The following ASH1L variants were observed in gnomAD, a reference collection of about 807,000 sequenced individuals.
ASH1L encodes the protein histone-lysine N-methyltransferase ASH1L.
Under a neutral mutation model 269.0 loss-of-function variants are expected in ASH1L, and 23 were observed. That is an observed-to-expected ratio of 0.09 (90% CI 0.06 to 0.12). The LOEUF is 0.12. ASH1L is among the 10% of genes least tolerant of loss of function. The pLI is 1.00. For missense variants in ASH1L, 2,912 were observed against 3,567.8 expected (o/e 0.82, Z 4.68); for synonymous variants, 1,187 against 1,253.5 (o/e 0.95, Z 1.12).
At chr1:155,487,286 A>G (rs1005563565) in intron 2 of ASH1L, among the ~76,000 whole-genome samples, 4 of 152,186 alleles carry the variant, frequency 2.6e-5, no homozygotes, top group African/African-American at 9.7e-5. Flanking sequence ...ATTTATTATG[A>G]TATTAAAAAT....
Position 155,478,215 on chromosome 1 carries a change from C to T in ASH1L, c.4655G>A (p.Arg1552Lys), listed in dbSNP as rs1227842390. Residue 1552 changes from arginine to lysine, a missense_variant, in exon 3 of 28, where the codon AGA becomes AAA. By Grantham distance (26) the Arg-to-Lys change is conservative. Coordinates refer to ENST00000392403, the MANE Select transcript of ASH1L (RefSeq NM_018489.3). This position sits in a 1 kb window ranked among gnomAD's most constrained non-coding sequence, Gnocchi z 4.6. ...CTCTCGGTGGACCCACTGTTCCTCT[C>T]TGTTTATTAAGCTTTTTGAAGGAGA... ...HLSPSKSLIN[R>K]EEQWVHREPS... The T allele has an allele frequency of 6.2e-7, 1 of 1,611,592 alleles. No homozygotes were observed. Among genetic ancestry groups the T allele is most frequent in the Admixed American group, 1.7e-5 (1 of 59,768 alleles).
At chr1:155,409,521 A>G (rs994937122) in intron 6 of ASH1L, among the ~76,000 whole-genome samples, 2 of 152,246 alleles carry the variant, frequency 1.3e-5, no homozygotes, top group African/African-American at 4.8e-5. Context: ...TTCACTAAGT[A>G]ATCAAAAATG....
At chr1:155,387,588 T>G (rs1657542847) in intron 7 of ASH1L, among the ~76,000 whole-genome samples, 1 of 152,206 alleles carries the variant, frequency 6.6e-6, no homozygotes, top group East Asian at 1.9e-4. Flanking sequence ...CTTTGTTCTT[T>G]TTTTGTGTGT....
chr1:155,505,355 G>A (rs1291570512), intron 2 of ASH1L, among the ~76,000 whole-genome samples: 1 of 152,004 alleles, frequency 6.6e-6, no homozygotes, highest in Non-Finnish European at 1.5e-5. Context: ...ATGATTCTGC[G>A]ATTCACATAT....
chr1:155,458,936 A>C (rs1342313884), intron 4 of ASH1L, among the ~76,000 whole-genome samples: 1 of 150,642 alleles, frequency 6.6e-6, no homozygotes, highest in African/African-American at 2.4e-5. Flanking sequence ...GAAAACAGGT[A>C]TAAATCATCC....
intron 4 of ASH1L, among the ~76,000 whole-genome samples, chr1:155,458,704 G>A (rs1002259436): frequency 6.6e-6 from 1 of 151,590 alleles, no homozygotes; most frequent in Non-Finnish European, 1.5e-5. Context: ...GCAACAGAGT[G>A]GGACTCATCT....
chr1:155,478,344 G>C lies in ASH1L; in HGVS notation c.4526C>G (p.Ser1509Cys). 2.5e-6 allele frequency: 4 copies of C among 1,614,146 alleles called. No homozygotes were observed. The highest frequency in any genetic ancestry group is 3.4e-6 in the Non-Finnish European group (4 of 1,180,034). ...ATAGCGCTTCAAAGATTCCAGGACA[G>C]ATCGGGAAGAGCCAGTGTCCATAGA... is the stretch of plus-strand genomic sequence containing the variant. ...QVSMDTGSSRSVLESLKRYRF... is the reference protein window; with the variant it reads ...QVSMDTGSSRCVLESLKRYRF... Residue 1509 changes from serine to cysteine, a missense_variant, in exon 3 of 28, where the codon TCT becomes TGT. This residue lies in a region of ASH1L where 789 missense variants were observed against 897.6 expected (regional missense o/e 0.88). Coordinates refer to ENST00000392403, the MANE Select transcript of ASH1L (RefSeq NM_018489.3). The surrounding 1 kb of genome is among the most constrained non-coding windows in gnomAD (Gnocchi z 4.6).
chr1:155,388,505 T>C (rs374825435), intron 7 of ASH1L, among the ~76,000 whole-genome samples: 2 of 152,208 alleles, frequency 1.3e-5, no homozygotes, highest in East Asian at 3.9e-4. Context: ...TTTCATTATG[T>C]TGTCCAGGCT....
At chr1:155,549,408 C>T (rs1272051758) in intron 1 of ASH1L, among the ~76,000 whole-genome samples, 3 of 151,962 alleles carry the variant, frequency 2.0e-5, no homozygotes, top group African/African-American at 4.8e-5. Flanking sequence ...GAGTCCAAGG[C>T]GGGTGGATCA....
intron 4 of ASH1L, chr1:155,440,470 AC>A: frequency 3.5e-6 from 2 of 573,360 alleles, no homozygotes; most frequent in Non-Finnish European, 4.4e-6. Flanking sequence ...GGTCCTCAAT[AC>A]AGAGTACTTG....
chr1:155,440,283 G>T (rs528708770), intron 4 of ASH1L, among the ~76,000 whole-genome samples: 1 of 151,942 alleles, frequency 6.6e-6, no homozygotes, highest in Non-Finnish European at 1.5e-5. Flanking sequence ...ATTCCAGCCT[G>T]GATGACAGAG....
In ASH1L at chr1:155,338,331, T is replaced by C. The variant is rs1210089732; in HGVS notation, c.8561A>G (p.Asp2854Gly). 6.2e-7 allele frequency: 1 copy of C among 1,614,106 alleles called. No homozygotes were observed. The change falls in exon 27 of 28, where the codon GAT becomes GGT. Residue 2854 changes from aspartate to glycine, a missense_variant. Physicochemically the swap from Asp to Gly is moderately conservative, Grantham distance 94. Transcript: ENST00000392403. Reference protein sequence around the residue: ...PPLKDLGQEDDALPLIEEVLA... With the variant: ...PPLKDLGQEDGALPLIEEVLA... The stretch of plus-strand genomic sequence containing the variant: ...AACCTCTTCAATCAAGGGTAGAGCA[T>C]CATCCTCCTGGCCCAAGTCTTTTAG...
At chr1:155,347,476 G>T (rs574220089) in intron 20 of ASH1L, among the ~76,000 whole-genome samples, 180 bp downstream of exon 20, 1 of 152,142 alleles carries the variant, frequency 6.6e-6, no homozygotes, top group South Asian at 2.1e-4. Context: ...AGGATAAAGT[G>T]AAAGAAAGAT....
chr1:155,517,957 C>T lies in ASH1L; in HGVS notation c.420+3143G>A, dbSNP rs376481929. Among the ~76,000 whole-genome samples, 77 of 151,330 alleles carry T rather than the reference C, an allele frequency of 5.1e-4. 1 individual carries two copies. The East Asian group carries it at 0.014, about 28-fold the overall frequency. On this transcript the variant is annotated intron_variant, in intron 2 of 27. Transcript: ENST00000392403. Reference sequence around the variant, plus strand: ...CTGGGACTACAGGTGCCCGCCACTACGCCCGGCTAATTTTTTGTATTTTTA... The same window carrying T: ...CTGGGACTACAGGTGCCCGCCACTATGCCCGGCTAATTTTTTGTATTTTTA...
In ASH1L at chr1:155,411,586, A is replaced by AATAAATATATATATATATATAT. The variant is rs1297131961; in HGVS notation, c.6008+4157_6008+4158insATATATATATATATATATTTAT. Among the ~76,000 whole-genome samples the AATAAATATATATATATATATAT allele has an allele frequency of 1.1e-3, 59 of 55,034 alleles. 1 individual carries two copies. Among genetic ancestry groups the AATAAATATATATATATATATAT allele is most frequent in the East Asian group, 5.5e-3 (4 of 728 alleles). The allele number at this position is 55,034 out of a possible 152,430, so 36.1% of individuals were successfully genotyped here. On this transcript the variant is annotated intron_variant, in intron 6 of 27. Coordinates refer to ENST00000392403, the MANE Select transcript of ASH1L (RefSeq NM_018489.3). ...AAATATGAATATAAATAAATAAATA[A>AATAAATATATATATATATATAT]ATATATATATATATATATATATATA...
intron 1 of ASH1L, among the ~76,000 whole-genome samples, chr1:155,544,664 GTA>G (rs1670668352): frequency 6.6e-6 from 1 of 151,928 alleles, no homozygotes; most frequent in Non-Finnish European, 1.5e-5. Flanking sequence ...TGTTAAAGCA[GTA>G]TATATCTGTA....
intron 3 of ASH1L, among the ~76,000 whole-genome samples, chr1:155,461,675 A>G (rs1664310838): frequency 6.6e-6 from 1 of 152,170 alleles, no homozygotes; most frequent in East Asian, 1.9e-4. Context: ...ATACAGACAG[A>G]TACATATTTC....
At chr1:155,454,041 C>T (rs1663693582) in intron 4 of ASH1L, among the ~76,000 whole-genome samples, 1 of 151,716 alleles carries the variant, frequency 6.6e-6, no homozygotes, top group Non-Finnish European at 1.5e-5. Context: ...GGAGGCGGAG[C>T]TTGCAGTGAG....
intron 7 of ASH1L, among the ~76,000 whole-genome samples, chr1:155,393,896 T>C (rs1658149566): frequency 6.6e-6 from 1 of 152,106 alleles, no homozygotes; most frequent in Admixed American, 6.6e-5. Flanking sequence ...GATAAACTTC[T>C]ATTATGTACC....
Sources: gnomAD v4.1 joint callset for allele counts (sites outside exome capture counted in the v4.1 genomes callset) on GRCh38, gnomAD v4.1.1 for gene constraint, gnomAD v4.1.1 regional missense constraint, Gnocchi (gnomAD v3.1) non-coding constraint, MANE v1.5 for transcripts, NCBI Gene and HGNC (gene_info 2026-07-23, HGNC 2026-07-21) for gene names.